The following MAP2K1 variants were observed in gnomAD, a reference collection of about 807,000 sequenced individuals.
MAP2K1 encodes dual specificity mitogen-activated protein kinase kinase 1.
Under a neutral mutation model 46.3 loss-of-function variants are expected in MAP2K1, and 16 were observed. The ratio of observed to expected loss-of-function variants is 0.35; its 90% CI spans 0.23 to 0.52. The LOEUF is 0.52. MAP2K1 is among the 20% of genes least tolerant of loss of function. The pLI is 0.94. For missense variants in MAP2K1, 263 were observed against 497.1 expected, an observed-to-expected ratio of 0.53 and a Z score of 4.48; for synonymous variants, 183 against 185.6, an observed-to-expected ratio of 0.99 and a Z score of 0.11.
intron 1 of MAP2K1, among the ~76,000 whole-genome samples, chr15:66,403,090 A>G (rs2093386266): frequency 6.6e-6 from 1 of 152,192 alleles, no homozygotes; most frequent in Non-Finnish European, 1.5e-5. Context: ...AACCAGACCT[A>G]GAGAGGTGTG....
At chr15:66,426,436 A>G (rs1188755453) in intron 1 of MAP2K1, among the ~76,000 whole-genome samples, 1 of 152,042 alleles carries the variant, frequency 6.6e-6, no homozygotes, top group East Asian at 1.9e-4. Flanking sequence ...TAGCATGTAT[A>G]CCTGTGATAG....
chr15:66,431,907 C>T (rs1041476365), intron 1 of MAP2K1, among the ~76,000 whole-genome samples: 15 of 152,172 alleles, frequency 9.9e-5, no homozygotes, highest in African/African-American at 3.6e-4. Context: ...CCTGTGTTCT[C>T]ACCATTCAGT....
chr15:66,426,143 T>C (rs1433380098), intron 1 of MAP2K1, among the ~76,000 whole-genome samples: 1 of 214 alleles, frequency 4.7e-3, no homozygotes, highest in Non-Finnish European at 0.5. Flanking sequence ...GTGTTTTTTC[T>C]TTTTTTTTTT....
chr15:66,489,656 A>G, intron 9 of MAP2K1, 62 bp from the exon 10 acceptor site: 1 of 1,262,012 alleles, frequency 7.9e-7, no homozygotes, highest in Non-Finnish European at 1.2e-6. Flanking sequence ...GCATGCAAAC[A>G]TGTTATTTGA....
At chr15:66,429,265 C>CTTCA (rs2093468171) in intron 1 of MAP2K1, among the ~76,000 whole-genome samples, 1 of 152,052 alleles carries the variant, frequency 6.6e-6, no homozygotes, top group Non-Finnish European at 1.5e-5. Flanking sequence ...CAAGGACCTT[C>CTTCA]TTCACATGGT....
chr15:66,483,678 T>C (rs941830778), intron 6 of MAP2K1, among the ~76,000 whole-genome samples: 3 of 152,336 alleles, frequency 2.0e-5, no homozygotes. Flanking sequence ...ATACTTTTTT[T>C]CTCTTTGGCT....
rs558609257 is a variant in MAP2K1 at position 66,404,115 on chromosome 15, T to A, written c.80+16688T>A. Among the ~76,000 whole-genome samples, 10 of 152,340 alleles carry A rather than the reference T, an allele frequency of 6.6e-5. 2 individuals carry two copies. The highest frequency in any genetic ancestry group is 2.4e-4 in the African/African-American group (10 of 41,578). Reference sequence around the variant, plus strand: ...ATTATTAATAATAGAAAATGTATCCTGCTAATCAGGCACTCATTTGCGTCC... The same window carrying A: ...ATTATTAATAATAGAAAATGTATCCAGCTAATCAGGCACTCATTTGCGTCC... On this transcript the variant is annotated intron_variant, in intron 1 of 10. Coordinates refer to ENST00000307102, the MANE Select transcript of MAP2K1 (RefSeq NM_002755.4).
intron 1 of MAP2K1, among the ~76,000 whole-genome samples, chr15:66,421,093 TACACACACACACACAC>T (rs71454561): frequency 3.9e-5 from 5 of 128,788 alleles, no homozygotes; most frequent in African/African-American, 1.2e-4. Flanking sequence ...TACACACACA[TACACACACACACACAC>T]ACACACACAC....
Position 66,387,216 on chromosome 15 carries a change from A to T in MAP2K1, c.-132A>T. Reference sequence around the variant, plus strand: ...GCGCTGACGGGACCGCGCGGGGCGCACCCGCTGAAGGCAGCCCCGGGGCCC... The same window carrying T: ...GCGCTGACGGGACCGCGCGGGGCGCTCCCGCTGAAGGCAGCCCCGGGGCCC... On this transcript the variant is annotated 5_prime_UTR_variant, in exon 1 of 11. Transcript: ENST00000307102. The T allele has an allele frequency of 1.5e-6, 1 of 664,362 alleles. No homozygotes were observed. The highest frequency in any genetic ancestry group is 2.4e-6 in the Non-Finnish European group (1 of 409,784). The allele number at this position is 664,362 out of a possible 1,614,324, so 41.2% of individuals were successfully genotyped here. A position where few individuals can be genotyped will look rare whatever the true frequency, so the allele number is the denominator to read the frequency against.
chr15:66,465,639 C>T (rs1713246719), intron 5 of MAP2K1, among the ~76,000 whole-genome samples: 1 of 152,056 alleles, frequency 6.6e-6, no homozygotes, highest in African/African-American at 2.4e-5. Context: ...GTGGTCTCTT[C>T]CCTCACCACC....
chr15:66,489,845 G>A lies in MAP2K1; in HGVS notation c.1068+82G>A, dbSNP rs1327463326. The A allele has an allele frequency of 5.8e-6, 7 of 1,207,390 alleles. 1 individual carries two copies. The South Asian group carries it at 8.4e-5, about 15-fold the overall frequency. The allele number at this position is 1,207,390 out of a possible 1,614,324, so 74.8% of individuals were successfully genotyped here. ...GTCAGTCATCTGTGCAGTACTTCCA[G>A]AGCCCATTCATTCCCTGCCCACTGT... On this transcript the variant is annotated intron_variant, in intron 10 of 10. Coordinates refer to ENST00000307102, the MANE Select transcript of MAP2K1 (RefSeq NM_002755.4).
At chr15:66,388,405 T>A (rs905333194) in intron 1 of MAP2K1, among the ~76,000 whole-genome samples, 4 of 152,178 alleles carry the variant, frequency 2.6e-5, no homozygotes, top group African/African-American at 9.7e-5. Flanking sequence ...TGCCCAACCT[T>A]CAATAAGGAT....
At chr15:66,402,820 A>G (rs1036197664) in intron 1 of MAP2K1, among the ~76,000 whole-genome samples, 3 of 152,144 alleles carry the variant, frequency 2.0e-5, no homozygotes, top group Non-Finnish European at 2.9e-5. Context: ...CTGCAAAACA[A>G]CTTTTTCTTT....
intron 5 of MAP2K1, among the ~76,000 whole-genome samples, chr15:66,462,923 G>A (rs1441022525): frequency 6.6e-6 from 1 of 152,208 alleles, no homozygotes; most frequent in African/African-American, 2.4e-5. Context: ...GAAAGCCACT[G>A]GAATTCTAGG....
chr15:66,422,842 A>G (rs941867619), intron 1 of MAP2K1, among the ~76,000 whole-genome samples: 1 of 152,170 alleles, frequency 6.6e-6, no homozygotes, highest in Non-Finnish European at 1.5e-5. Context: ...TGTTCATCCA[A>G]GACCCCAACT....
chr15:66,431,655 G>A lies in MAP2K1; in HGVS notation c.81-3372G>A, dbSNP rs7164442. ...CAGTGAATGAAATAAGCATAGAATTGTTACTTCTATTTTACAGAAGAGAAA... is the reference window on the plus strand; with the variant it reads ...CAGTGAATGAAATAAGCATAGAATTATTACTTCTATTTTACAGAAGAGAAA... On this transcript the variant is annotated intron_variant, in intron 1 of 10. Transcript: ENST00000307102. Among the ~76,000 whole-genome samples the A allele has an allele frequency of 2.9e-3, 443 of 152,252 alleles. 2 individuals are homozygous for A. Among genetic ancestry groups the A allele is most frequent in the African/African-American group, 0.01 (429 of 41,538 alleles).
chr15:66,427,330 C>T (rs996204086), intron 1 of MAP2K1, among the ~76,000 whole-genome samples: 7 of 152,014 alleles, frequency 4.6e-5, no homozygotes, highest in Non-Finnish European at 8.8e-5. Flanking sequence ...GAGGCCGAGG[C>T]GGGCAGATCA....
At chr15:66,476,243 A>C (rs1483661869) in intron 5 of MAP2K1, among the ~76,000 whole-genome samples, 1 of 152,198 alleles carries the variant, frequency 6.6e-6, no homozygotes, top group Non-Finnish European at 1.5e-5. Context: ...CTGGCCAGCC[A>C]GCTGCTGGGG....
chr15:66,456,033 G>A (rs1892157901), intron 5 of MAP2K1, among the ~76,000 whole-genome samples: 2 of 152,152 alleles, frequency 1.3e-5, no homozygotes, highest in South Asian at 4.1e-4. Flanking sequence ...TGACAGTCAT[G>A]GGTAGGTACA....
Sources: gnomAD v4.1 joint callset for allele counts (sites outside exome capture counted in the v4.1 genomes callset) on GRCh38, gnomAD v4.1.1 for gene constraint, MANE v1.5 for transcripts, NCBI Gene and HGNC (gene_info 2026-07-23, HGNC 2026-07-21) for gene names.